The following BEST3 variants were observed in gnomAD, a reference collection of about 807,000 sequenced individuals.
The protein encoded by BEST3 is bestrophin-3.
BEST3 carries 50 observed loss-of-function variants against 47.1 expected under a neutral mutation model. That is an observed-to-expected ratio of 1.06 (90% confidence interval 0.85 to 1.34). BEST3 has a LOEUF of 1.34. BEST3 is among the 40% of genes most tolerant of loss of function. The pLI is 0.00. For missense variants in BEST3, 765 were observed against 817.0 expected (o/e 0.94, Z 0.78); for synonymous variants, 282 against 298.8 (o/e 0.94, Z 0.58).
At position 69,659,032 on chromosome 12, in the gene BEST3, A is replaced by G. The variant is rs74102943; in HGVS notation, c.1101-3219T>C. ...GCAACGTTGATGACTGCTTTAGATA[A>G]GAAACATGACTTGAAAACTTTTCAC... On this transcript the variant is annotated intron_variant, in intron 9 of 9. Transcript: ENST00000330891. Among the ~76,000 whole-genome samples, 916 of 152,300 alleles carry G rather than the reference A, an allele frequency of 6.0e-3. 10 individuals are homozygous for G. Among genetic ancestry groups the G allele is most frequent in the African/African-American group, 0.021 (856 of 41,566 alleles).
intron 9 of BEST3, among the ~76,000 whole-genome samples, chr12:69,667,346 G>A (rs1047076130): frequency 1.3e-5 from 2 of 152,182 alleles, no homozygotes; most frequent in Middle Eastern, 3.4e-3. Context: ...CCAGGCTGGA[G>A]TATAACGGTG....
chr12:69,648,647 G>A (rs998443984), downstream of BEST3, among the ~76,000 whole-genome samples: 4 of 152,102 alleles, frequency 2.6e-5, no homozygotes, highest in African/African-American at 9.7e-5. Flanking sequence ...CAGCTTTAGC[G>A]GAATGCCTGA....
At chr12:69,645,390 A>T (rs1257922449) in intron 9 of BEST3, among the ~76,000 whole-genome samples, 1 of 152,210 alleles carries the variant, frequency 6.6e-6, no homozygotes, top group Non-Finnish European at 1.5e-5. Flanking sequence ...AAATGTGATA[A>T]GGTATGGACA....
At chr12:69,680,193 A>C (rs1379459388) in intron 4 of BEST3, among the ~76,000 whole-genome samples, 3 of 151,984 alleles carry the variant, frequency 2.0e-5, no homozygotes, top group East Asian at 1.9e-4. Flanking sequence ...AGATTGAATG[A>C]CTGAATAAGA....
In BEST3 at chr12:69,653,970, T is replaced by A; in HGVS notation, c.*937A>T. On this transcript the variant is annotated 3_prime_UTR_variant, in exon 10 of 10. Transcript: ENST00000330891. ...TATGCAAATTTCATATTCTCTTGGC[T>A]TCGTTTTTCTCCAGTGCCCAACACC... is the stretch of plus-strand genomic sequence containing the variant. The A allele has an allele frequency of 1.0e-6, 1 of 985,496 alleles. No individual in the cohort carries two copies. Among genetic ancestry groups the A allele is most frequent in the Non-Finnish European group, 1.2e-6 (1 of 829,948 alleles). 61.0% of individuals were successfully genotyped at this position (985,496 alleles called of 1,614,324 possible).
chr12:69,649,232 A>G (rs1883135977), downstream of BEST3, among the ~76,000 whole-genome samples: 1 of 152,242 alleles, frequency 6.6e-6, no homozygotes, highest in Non-Finnish European at 1.5e-5. Flanking sequence ...TCCTGACCTC[A>G]AGCGACCTGC....
chr12:69,696,525 TATGAC>T (rs1886138412), intron 2 of BEST3, among the ~76,000 whole-genome samples: 1 of 152,194 alleles, frequency 6.6e-6, no homozygotes. Context: ...TATCATATTA[TATGAC>T]ATGTCTGAAA....
chr12:69,668,727 G>C (rs1419976793), intron 9 of BEST3, among the ~76,000 whole-genome samples: 1 of 152,132 alleles, frequency 6.6e-6, no homozygotes, highest in Non-Finnish European at 1.5e-5. Flanking sequence ...TTCAAAGATG[G>C]ACCTATAAAC....
chr12:69,654,835 C>T lies in BEST3; in HGVS notation c.*72G>A. ...AAAGTCGACCAGCCTTCAGGTATGT[C>T]CTGGGCCTAATATGCTGCTTTTGGG... On this transcript the variant is annotated 3_prime_UTR_variant, in exon 10 of 10. Transcript: ENST00000330891. 4 of 1,539,240 alleles carry T rather than the reference C, an allele frequency of 2.6e-6. No homozygotes were observed. The highest frequency in any genetic ancestry group is 3.5e-6 in the Non-Finnish European group (4 of 1,145,908).
At chr12:69,664,758 C>T (rs1438169828) in intron 9 of BEST3, among the ~76,000 whole-genome samples, 1 of 149,112 alleles carries the variant, frequency 6.7e-6, no homozygotes, top group Admixed American at 6.7e-5. Flanking sequence ...GAATAAGAAA[C>T]AATGATAAAA....
chr12:69,662,340 G>T (rs1883922548), intron 9 of BEST3, among the ~76,000 whole-genome samples: 6 of 152,020 alleles, frequency 3.9e-5, no homozygotes, highest in Admixed American at 3.9e-4. Context: ...GTATTTTCTT[G>T]TAAAGCTAAA....
chr12:69,681,917 C>T (rs1256106609), intron 4 of BEST3, among the ~76,000 whole-genome samples: 1 of 151,964 alleles, frequency 6.6e-6, no homozygotes, highest in Non-Finnish European at 1.5e-5. Flanking sequence ...CCAGTCTCTA[C>T]TAAAATTACA....
At chr12:69,677,128 G>C in intron 6 of BEST3, 52 bp downstream of exon 6, 1 of 1,613,452 alleles carries the variant, frequency 6.2e-7, no homozygotes, top group Non-Finnish European at 8.5e-7. Context: ...CGAAGCTACA[G>C]TGCCAAGGTA....
At chr12:69,695,499 G>A (rs992007670) in intron 2 of BEST3, among the ~76,000 whole-genome samples, 2 of 152,180 alleles carry the variant, frequency 1.3e-5, no homozygotes, top group African/African-American at 2.4e-5. Flanking sequence ...AGAGGTGTTA[G>A]AATTACTGAA....
chr12:69,685,018 T>TCTATTCTATTCTATTCTATG, intron 4 of BEST3, among the ~76,000 whole-genome samples: 1 of 151,692 alleles, frequency 6.6e-6, no homozygotes, highest in Non-Finnish European at 1.5e-5. Context: ...TCTATTCTAT[T>TCTATTCTATTCTATTCTATG]CTATTCTATT....
intron 9 of BEST3, among the ~76,000 whole-genome samples, chr12:69,657,222 A>C (rs1380427758): frequency 1.3e-5 from 2 of 151,980 alleles, no homozygotes; most frequent in Non-Finnish European, 1.5e-5. Context: ...CAGCCTCCCC[A>C]GTAGCTGGGA....
At chr12:69,666,830 C>T (rs912108380) in intron 9 of BEST3, among the ~76,000 whole-genome samples, 3 of 152,184 alleles carry the variant, frequency 2.0e-5, no homozygotes, top group Admixed American at 1.3e-4. Context: ...CACCCTTACA[C>T]TCTCTCATCT....
At chr12:69,690,480 G>C (rs915506718) in intron 4 of BEST3, among the ~76,000 whole-genome samples, 4 of 152,134 alleles carry the variant, frequency 2.6e-5, no homozygotes, top group African/African-American at 9.7e-5. Context: ...TCAGTCCTCG[G>C]AGCTCATGTC....
chr12:69,682,714 C>A (rs954590471), intron 4 of BEST3, among the ~76,000 whole-genome samples: 1 of 152,034 alleles, frequency 6.6e-6, no homozygotes, highest in African/African-American at 2.4e-5. Context: ...GTAGCTGGGT[C>A]TACTGGCGCA....
Sources: allele counts gnomAD v4.1 joint callset (sites outside exome capture counted in the v4.1 genomes callset), GRCh38; gene constraint gnomAD v4.1.1; transcripts MANE v1.5; gene names NCBI Gene and HGNC (gene_info 2026-07-23, HGNC 2026-07-21).